ATP1A4: variants seen among roughly 807,000 people sequenced by gnomAD.
ATP1A4 encodes the protein sodium/potassium-transporting ATPase subunit alpha-4.
A neutral mutation model predicts 114.3 loss-of-function variants in ATP1A4; 90 were observed. That is an observed-to-expected ratio of 0.79 (90% CI 0.66 to 0.94). ATP1A4 has a LOEUF of 0.94. Among genes scored for constraint, ATP1A4 ranks in the 40% least tolerant of loss-of-function variants. The pLI, the probability that ATP1A4 is intolerant of heterozygous loss-of-function variation, is 0.00. For missense variants in ATP1A4, 1,222 were observed against 1,313.6 expected, an observed-to-expected ratio of 0.93 and a Z score of 1.08; for synonymous variants, 511 against 494.1, an observed-to-expected ratio of 1.03 and a Z score of -0.45.
rs756010336 is a variant in ATP1A4, at chr1:160,167,325, C to T, written c.1404C>T (p.Ile468=). The change falls in exon 10 of 22, where the codon ATC becomes ATT. Residue 468 remains isoleucine, a synonymous_variant. Transcript: ENST00000368081. ...CCGAGTCAGCCCTCCTCAAGTTCAT[C>T]GAGCAGTCTTACAGCTCTGTGGCGG... The part of the protein sequence containing the change: ...DASESALLKF[I]EQSYSSVAEM... 25 of 1,609,568 alleles carry T rather than the reference C, an allele frequency of 1.6e-5. No individual in the cohort carries two copies. The highest frequency in any genetic ancestry group is 1.3e-4 in the East Asian group (6 of 44,886).
Position 160,174,609 on chromosome 1 carries a change from G to A in ATP1A4, c.2173G>A (p.Val725Met), listed in dbSNP as rs1430069623. 4.3e-6 allele frequency: 7 copies of A among 1,614,182 alleles called. No individual in the cohort carries two copies. The highest frequency in any genetic ancestry group is 5.9e-6 in the Non-Finnish European group (7 of 1,180,010). Residue 725 changes from valine to methionine, a missense_variant, in exon 15 of 22, where the codon GTG becomes ATG. Physicochemically the swap from Val to Met is conservative, Grantham distance 21 (BLOSUM62 1). Coordinates refer to ENST00000368081, the MANE Select transcript of ATP1A4 (RefSeq NM_144699.4). ...CGTTGTGGCCGTGACAGGTGACGGGGTGAACGACTCCCCTGCGCTGAAGAA... is the reference window on the plus strand; with the variant it reads ...CGTTGTGGCCGTGACAGGTGACGGGATGAACGACTCCCCTGCGCTGAAGAA... ...GAVVAVTGDG[V>M]NDSPALKKAD...
intron 2 of ATP1A4, 46 bp from the exon 3 acceptor site, chr1:160,154,998 TC>T: frequency 1.3e-6 from 2 of 1,573,996 alleles, no homozygotes; most frequent in Non-Finnish European, 1.7e-6. Flanking sequence ...CTATGGCTGT[TC>T]CTCTTTTCAC....
intron 18 of ATP1A4, among the ~76,000 whole-genome samples, chr1:160,178,360 A>C (rs1653563144): frequency 6.6e-6 from 1 of 150,790 alleles, no homozygotes; most frequent in African/African-American, 2.4e-5. Flanking sequence ...TGTCTCAAAA[A>C]ATAAATAAAT....
At chr1:160,183,953 C>CTT (rs35692428) in intron 20 of ATP1A4, among the ~76,000 whole-genome samples, 142 of 129,136 alleles carry the variant, frequency 1.1e-3, no homozygotes, top group South Asian at 5.7e-3. Context: ...ATTGATAATG[C>CTT]TTTTTTTTTT....
Position 160,153,617 on chromosome 1 carries a change from C to T in ATP1A4, c.207+393C>T, listed in dbSNP as rs56703459. On this transcript the variant is annotated intron_variant, in intron 2 of 21. Transcript: ENST00000368081. Reference sequence around the variant, plus strand: ...TATTTCTCAATTCATTTAAAAATAACAAAAATAAAGTTATCATATATTCAT... The same window carrying T: ...TATTTCTCAATTCATTTAAAAATAATAAAAATAAAGTTATCATATATTCAT... Among the ~76,000 whole-genome samples, 562 of 152,116 alleles carry T rather than the reference C, an allele frequency of 3.7e-3. 4 individuals carry two copies. The highest frequency in any genetic ancestry group is 0.012 in the African/African-American group (515 of 41,514).
chr1:160,186,545 G>A, intron 21 of ATP1A4, 126 bp from the exon 22 acceptor site: 4 of 1,183,318 alleles, frequency 3.4e-6, no homozygotes, highest in Admixed American at 1.9e-5. Context: ...TGCTCCATCT[G>A]ACCCTCAGTG....
chr1:160,172,307 AG>A (rs1245732931), intron 12 of ATP1A4, among the ~76,000 whole-genome samples: 1 of 152,176 alleles, frequency 6.6e-6, no homozygotes, highest in Non-Finnish European at 1.5e-5. Context: ...GGGCGGTAAA[AG>A]GGTGAGGCTA....
chr1:160,160,541 A>T (rs1022164264), intron 6 of ATP1A4, among the ~76,000 whole-genome samples: 1 of 152,176 alleles, frequency 6.6e-6, no homozygotes, highest in African/African-American at 2.4e-5. Flanking sequence ...ATTTGAATGC[A>T]TAGTATTTGT....
At position 160,186,301 on chromosome 1, in the gene ATP1A4, C is replaced by A; in HGVS notation, c.2995C>A (p.Pro999Thr). The change falls in exon 21 of 22, where the codon CCC (proline) becomes ACC (threonine). Residue 999 changes from proline (P) to threonine (T), a missense_variant. Pro to Thr is a conservative substitution (Grantham distance 38). Transcript: ENST00000368081. ...GATAACCTGGTGGCTCTGTGCCATT[C>A]CCTACAGTATTCTCATCTTCGTCTA... Reference protein sequence around the residue: ...LKITWWLCAIPYSILIFVYDE... With the variant: ...LKITWWLCAITYSILIFVYDE... 6.2e-7 allele frequency: 1 copy of A among 1,613,486 alleles called. No homozygotes were observed. Among genetic ancestry groups the A allele is most frequent in the South Asian group, 1.1e-5 (1 of 91,072 alleles).
chr1:160,168,540 G>A (rs192306777), intron 10 of ATP1A4, among the ~76,000 whole-genome samples: 9 of 152,018 alleles, frequency 5.9e-5, no homozygotes, highest in South Asian at 2.1e-4. Flanking sequence ...GTGCCACCAC[G>A]CCCGGCTAAT....
chr1:160,158,227 C>T (rs1283811963), intron 4 of ATP1A4, among the ~76,000 whole-genome samples: 1 of 152,138 alleles, frequency 6.6e-6, no homozygotes, highest in Non-Finnish European at 1.5e-5. Context: ...ATGACCTCAT[C>T]CACATGTCTG....
In ATP1A4 at chr1:160,176,098, T is replaced by C. The variant is rs1282032431; in HGVS notation, c.2318T>C (p.Leu773Pro). The change falls in exon 16 of 22, where the codon CTG becomes CCG. Residue 773 changes from leucine (L) to proline (P), a missense_variant. By Grantham distance (98) the Leu-to-Pro change is moderately conservative (BLOSUM62 -3). Coordinates refer to ENST00000368081, the MANE Select transcript of ATP1A4 (RefSeq NM_144699.4). ...SIVTGVEEGR[L>P]IFDNLKKSIM... ...GGTTGACCTTCCTCCCCAGGCCGCCTGATCTTTGACAACCTGAAGAAATCC... is the reference window on the plus strand; with the variant it reads ...GGTTGACCTTCCTCCCCAGGCCGCCCGATCTTTGACAACCTGAAGAAATCC... The C allele has an allele frequency of 6.2e-7, 1 of 1,614,126 alleles. No homozygotes were observed. Among genetic ancestry groups the C allele is most frequent in the Middle Eastern group, 1.6e-4 (1 of 6,062 alleles).
chr1:160,168,946 G>A (rs373427708), intron 10 of ATP1A4, among the ~76,000 whole-genome samples: 70 of 152,296 alleles, frequency 4.6e-4, no homozygotes, highest in African/African-American at 1.4e-3. Flanking sequence ...GTACCTCTCC[G>A]TCCATGTGAT....
chr1:160,166,226 T>C (rs1364736580), intron 7 of ATP1A4, among the ~76,000 whole-genome samples: 1 of 152,144 alleles, frequency 6.6e-6, no homozygotes, highest in Non-Finnish European at 1.5e-5. Flanking sequence ...GCCAAGATCA[T>C]ACTCTGCACT....
chr1:160,185,521 C>T (rs1476287465), intron 20 of ATP1A4, among the ~76,000 whole-genome samples: 1 of 152,124 alleles, frequency 6.6e-6, no homozygotes, highest in African/African-American at 2.4e-5. Context: ...CACGATGGCT[C>T]ATGCCTATAA....
chr1:160,152,039 C>T lies in ATP1A4; in HGVS notation c.-2C>T, dbSNP rs371901036. ...CTCGGGCAGCTCTTTCTGGGGATAG[C>T]TATGGGGCTTTGGGGGAAGAAAGGG... On this transcript the variant is annotated 5_prime_UTR_variant, in exon 1 of 22. Coordinates refer to ENST00000368081, the MANE Select transcript of ATP1A4 (RefSeq NM_144699.4). 6.2e-7 allele frequency: 1 copy of T among 1,612,080 alleles called. No homozygotes were observed. The highest frequency in any genetic ancestry group is 8.5e-7 in the Non-Finnish European group (1 of 1,179,256).
rs1249386053 is a variant in ATP1A4, at chr1:160,151,955, CCG to C, written c.-80_-79del. On this transcript the variant is annotated 5_prime_UTR_variant, in exon 1 of 22. Transcript: ENST00000368081. ...CACTCTCTTCTCGTGGCCCCCTTGC[CCG>C]CGCGCCCTCTTCCCTTCCCCTTGCC... 3 of 1,491,082 alleles carry C rather than the reference CCG, an allele frequency of 2.0e-6. No homozygotes were observed. The highest frequency in any genetic ancestry group is 4.6e-5 in the East Asian group (2 of 43,698). The allele number at this position is 1,491,082 out of a possible 1,614,324, so 92.4% of individuals were successfully genotyped here. A position where few individuals can be genotyped will look rare whatever the true frequency, so the allele number is the denominator to read the frequency against.
intron 20 of ATP1A4, chr1:160,183,119 G>C (rs1332466635): frequency 6.6e-6 from 1 of 152,184 alleles, no homozygotes; most frequent in Non-Finnish European, 1.5e-5. Context: ...CACAATCCAA[G>C]GTGGAAATCT....
At chr1:160,168,119 A>G (rs551367292) in intron 10 of ATP1A4, among the ~76,000 whole-genome samples, 1 of 152,344 alleles carries the variant, frequency 6.6e-6, no homozygotes, top group East Asian at 1.9e-4. Flanking sequence ...GTGAGGGACC[A>G]TGAAGGGACA....
Sources: gnomAD v4.1 joint callset for allele counts (sites outside exome capture counted in the v4.1 genomes callset) on GRCh38, gnomAD v4.1.1 for gene constraint, MANE v1.5 for transcripts, NCBI Gene and HGNC (gene_info 2026-07-23, HGNC 2026-07-21) for gene names.